The following FBXL7 variants were observed in gnomAD, a reference collection of about 807,000 sequenced individuals.
The protein encoded by FBXL7 is F-box and leucine rich repeat protein 7, also known as F-box/LRR-repeat protein 7.
In FBXL7, 12 loss-of-function variants were observed where a neutral mutation model predicts 38.3. The ratio of observed to expected loss-of-function variants is 0.31; its 90% CI spans 0.20 to 0.51. The LOEUF (loss-of-function observed/expected upper bound fraction) is 0.51, where lower values mean the gene tolerates loss of function less well. Among genes scored for constraint, FBXL7 ranks in the 20% least tolerant of loss-of-function variants. The probability of loss-of-function intolerance (pLI) is 0.98; values close to 1 mark genes in which losing one functional copy is unlikely to be tolerated. For missense variants in FBXL7, 567 were observed against 676.4 expected (o/e 0.84, Z 1.79); for synonymous variants, 297 against 300.9 (o/e 0.99, Z 0.13).
chr5:15,878,824 C>G (rs1579559759), intron 2 of FBXL7, among the ~76,000 whole-genome samples: 1 of 152,202 alleles, frequency 6.6e-6, no homozygotes, highest in Admixed American at 6.5e-5. Context: ...TAGCCTCCTT[C>G]TCACTTTTCA....
intron 2 of FBXL7, among the ~76,000 whole-genome samples, chr5:15,897,447 G>C (rs947977647): frequency 3.9e-5 from 6 of 152,184 alleles, no homozygotes; most frequent in Admixed American, 3.9e-4. Flanking sequence ...CTGGTAGTAG[G>C]CTGAGGAACA....
At chr5:15,588,683 G>A (rs969765089) in intron 1 of FBXL7, among the ~76,000 whole-genome samples, 1 of 152,094 alleles carries the variant, frequency 6.6e-6, no homozygotes, top group Non-Finnish European at 1.5e-5. Flanking sequence ...CACCGCGCCC[G>A]GCCGCCATGT....
chr5:15,930,186 G>T (rs893467221), intron 3 of FBXL7, among the ~76,000 whole-genome samples: 5 of 152,202 alleles, frequency 3.3e-5, no homozygotes, highest in African/African-American at 1.2e-4. Flanking sequence ...CAGGAAACCA[G>T]GAGGTTTTCT....
At chr5:15,600,080 T>C (rs956884350) in intron 1 of FBXL7, among the ~76,000 whole-genome samples, 9 of 152,206 alleles carry the variant, frequency 5.9e-5, no homozygotes, top group Admixed American at 1.3e-4. Flanking sequence ...TGCTGCCTCA[T>C]AGGACGCATG....
chr5:15,821,220 A>T (rs2126764075), intron 2 of FBXL7, among the ~76,000 whole-genome samples: 1 of 152,356 alleles, frequency 6.6e-6, no homozygotes. Context: ...TTTTCATAAA[A>T]TGTATAGAAA....
intron 2 of FBXL7, among the ~76,000 whole-genome samples, chr5:15,819,197 A>C (rs760590123): frequency 6.6e-6 from 1 of 152,160 alleles, no homozygotes; most frequent in African/African-American, 2.4e-5. Context: ...ATAGCCAGAG[A>C]CTATAGGTAC....
intron 2 of FBXL7, among the ~76,000 whole-genome samples, chr5:15,671,624 C>T (rs958488267): frequency 2.0e-5 from 3 of 152,160 alleles, no homozygotes; most frequent in African/African-American, 4.8e-5. Context: ...TCCTCTCTGC[C>T]TCAGGATGAT....
At chr5:15,835,072 A>T (rs773056366) in intron 2 of FBXL7, among the ~76,000 whole-genome samples, 1 of 152,190 alleles carries the variant, frequency 6.6e-6, no homozygotes. Context: ...TCAAGTCATG[A>T]CTTATCAGGG....
intron 2 of FBXL7, among the ~76,000 whole-genome samples, chr5:15,894,271 A>G (rs1486970424): frequency 6.6e-6 from 1 of 151,966 alleles, no homozygotes; most frequent in Non-Finnish European, 1.5e-5. Context: ...CAAAAACAAA[A>G]CAAACAAAAC....
At chr5:15,524,594 A>G (rs1057169089) in intron 1 of FBXL7, among the ~76,000 whole-genome samples, 1 of 152,148 alleles carries the variant, frequency 6.6e-6, no homozygotes, top group Non-Finnish European at 1.5e-5. Context: ...CACTTTACAG[A>G]GTTAGTTTTT....
chr5:15,653,416 C>T (rs947936574), intron 2 of FBXL7, among the ~76,000 whole-genome samples: 1 of 151,980 alleles, frequency 6.6e-6, no homozygotes, highest in African/African-American at 2.4e-5. Context: ...GGAAAGAAAC[C>T]CCCTAAGACT....
At chr5:15,833,065 T>C (rs534789145) in intron 2 of FBXL7, among the ~76,000 whole-genome samples, 2 of 152,314 alleles carry the variant, frequency 1.3e-5, no homozygotes, top group East Asian at 3.9e-4. Context: ...TCCACCATGA[T>C]TGTGAAGCCT....
chr5:15,726,843 G>A (rs766545245), intron 2 of FBXL7, among the ~76,000 whole-genome samples: 37 of 151,966 alleles, frequency 2.4e-4, no homozygotes, highest in Non-Finnish European at 4.9e-4. Context: ...TATTGATTGG[G>A]AGGAACTTGT....
chr5:15,843,452 G>A (rs977875235), intron 2 of FBXL7, among the ~76,000 whole-genome samples: 5 of 152,062 alleles, frequency 3.3e-5, no homozygotes, highest in Non-Finnish European at 5.9e-5. Context: ...GTAAATATTC[G>A]AATGAATAAA....
chr5:15,821,062 A>G (rs1738156355), intron 2 of FBXL7, among the ~76,000 whole-genome samples: 1 of 152,190 alleles, frequency 6.6e-6, no homozygotes, highest in South Asian at 2.1e-4. Context: ...CGCTTATTCA[A>G]CTTTGCTCCC....
At chr5:15,664,469 C>CTTTTTTTTTTTTTT (rs34999340) in intron 2 of FBXL7, among the ~76,000 whole-genome samples, 10 of 105,548 alleles carry the variant, frequency 9.5e-5, no homozygotes, top group Non-Finnish European at 1.1e-4. Flanking sequence ...TTTTCTTTTC[C>CTTTTTTTTTTTTTT]TTTTTTTTTT....
In FBXL7 at chr5:15,594,722, C is replaced by T. The variant is rs192623293; in HGVS notation, c.38-21261C>T. ...TCAGGTTTTCAGAGTTATAGACTGG[C>T]TCTTTGCGTATAACCTGTACCAGTG... On this transcript the variant is annotated intron_variant, in intron 1 of 3. Transcript: ENST00000504595. Among the ~76,000 whole-genome samples the T allele has an allele frequency of 1.8e-3, 275 of 152,356 alleles. 1 individual carries two copies. Among genetic ancestry groups the T allele is most frequent in the African/African-American group, 6.4e-3 (265 of 41,582 alleles).
intron 2 of FBXL7, among the ~76,000 whole-genome samples, chr5:15,650,805 T>C (rs1741683620): frequency 6.6e-6 from 1 of 152,210 alleles, no homozygotes; most frequent in African/African-American, 2.4e-5. Context: ...GATCATGAGA[T>C]TGCAGCAATT....
intron 2 of FBXL7, among the ~76,000 whole-genome samples, chr5:15,647,426 C>T (rs1741567175): frequency 6.6e-6 from 1 of 152,148 alleles, no homozygotes; most frequent in Non-Finnish European, 1.5e-5. Context: ...TCCGAGGCCA[C>T]TGTCAGAGTT....
Sources: gnomAD v4.1 joint callset for allele counts (sites outside exome capture counted in the v4.1 genomes callset) on GRCh38, gnomAD v4.1.1 for gene constraint, MANE v1.5 for transcripts, NCBI Gene and HGNC (gene_info 2026-07-23, HGNC 2026-07-21) for gene names.